CAPZB: variants seen among roughly 807,000 people sequenced by gnomAD.
CAPZB encodes capping actin protein of muscle Z-line subunit beta.
Under a neutral mutation model 38.1 loss-of-function variants are expected in CAPZB, and 2 were observed. That is an observed-to-expected ratio of 0.05 (90% CI 0.02 to 0.17). The LOEUF (loss-of-function observed/expected upper bound fraction) is 0.17. Ranked by LOEUF, CAPZB falls within the 10% of genes least tolerant of loss-of-function variation. CAPZB has a pLI of 1.00. For missense variants in CAPZB, 161 were observed against 334.2 expected (o/e 0.48, Z 4.04); for synonymous variants, 107 against 127.4 (o/e 0.84, Z 1.08).
intron 6 of CAPZB, among the ~76,000 whole-genome samples, chr1:19,352,944 C>T (rs1435396238): frequency 6.6e-6 from 1 of 152,252 alleles, no homozygotes; most frequent in African/African-American, 2.4e-5. Context: ...GCCGCCTACA[C>T]TGGGGCACGA....
At chr1:19,475,804 G>A (rs1453524549) in intron 1 of CAPZB, among the ~76,000 whole-genome samples, 1 of 152,178 alleles carries the variant, frequency 6.6e-6, no homozygotes, top group Admixed American at 6.5e-5. Flanking sequence ...TCAACCTAAT[G>A]GAGGGAGGGA....
chr1:19,450,144 CAAA>C (rs71008167), intron 1 of CAPZB, among the ~76,000 whole-genome samples: 2 of 35,450 alleles, frequency 5.6e-5, no homozygotes, highest in Non-Finnish European at 1.3e-4. Context: ...ACCCTGTCTC[CAAA>C]AAAAAAAAAA....
At chr1:19,446,350 C>T (rs530325633) in intron 1 of CAPZB, among the ~76,000 whole-genome samples, 1 of 152,072 alleles carries the variant, frequency 6.6e-6, no homozygotes, top group African/African-American at 2.4e-5. Flanking sequence ...GAAAAGCCAT[C>T]GGCAAAAGTT....
At chr1:19,432,179 A>G (rs1231853875) in intron 1 of CAPZB, among the ~76,000 whole-genome samples, 1 of 152,154 alleles carries the variant, frequency 6.6e-6, no homozygotes, top group Non-Finnish European at 1.5e-5. Flanking sequence ...ACACTGGCTC[A>G]CATTTGTAAT....
At chr1:19,400,150 G>A (rs1254242553) in intron 2 of CAPZB, among the ~76,000 whole-genome samples, 1 of 151,916 alleles carries the variant, frequency 6.6e-6, no homozygotes, top group African/African-American at 2.4e-5. Context: ...CCCACCCCTT[G>A]CCTGCCTCCG....
chr1:19,361,243 G>C (rs971242861), intron 4 of CAPZB, among the ~76,000 whole-genome samples: 1 of 152,230 alleles, frequency 6.6e-6, no homozygotes, highest in Non-Finnish European at 1.5e-5. Context: ...CTCTCACTTC[G>C]AATCTGTTCC....
intron 2 of CAPZB, among the ~76,000 whole-genome samples, chr1:19,418,003 G>A (rs933488630): frequency 1.8e-4 from 27 of 151,766 alleles, no homozygotes; most frequent in African/African-American, 5.8e-4. Context: ...GGGCACGGTC[G>A]TGGGCGCCTG....
chr1:19,461,395 C>T (rs1331706605), intron 1 of CAPZB, among the ~76,000 whole-genome samples: 23 of 152,256 alleles, frequency 1.5e-4, no homozygotes, highest in Non-Finnish European at 7.3e-5. Flanking sequence ...GACCCACCTG[C>T]CACTCCTTGG....
At chr1:19,484,471 G>A in intron 1 of CAPZB, 2 of 1,448,814 alleles carry the variant, frequency 1.4e-6, no homozygotes, top group Admixed American at 2.3e-5. Flanking sequence ...CACGGCGGCA[G>A]CCTCGAGAAG....
At chr1:19,419,327 T>C (rs2094392506) in intron 2 of CAPZB, among the ~76,000 whole-genome samples, 1 of 152,192 alleles carries the variant, frequency 6.6e-6, no homozygotes, top group Non-Finnish European at 1.5e-5. Flanking sequence ...CTGCGTGCAC[T>C]GCTGAATGCC....
chr1:19,444,178 T>C (rs2094488603), intron 1 of CAPZB, among the ~76,000 whole-genome samples: 1 of 151,820 alleles, frequency 6.6e-6, no homozygotes, highest in African/African-American at 2.4e-5. Context: ...AAAAATTCTA[T>C]TCAGATTTTC....
At chr1:19,393,731 A>C (rs2094250689) in intron 2 of CAPZB, among the ~76,000 whole-genome samples, 1 of 152,226 alleles carries the variant, frequency 6.6e-6, no homozygotes, top group Non-Finnish European at 1.5e-5. Context: ...CGGCAGACCC[A>C]AGGTGCCTGG....
chr1:19,478,184 T>A (rs1400876640), intron 1 of CAPZB, among the ~76,000 whole-genome samples: 2 of 152,190 alleles, frequency 1.3e-5, no homozygotes, highest in Admixed American at 1.3e-4. Flanking sequence ...TTAAACAGAA[T>A]GAGCCCCTTA....
intron 1 of CAPZB, among the ~76,000 whole-genome samples, chr1:19,481,810 C>T (rs1356558376): frequency 1.3e-5 from 2 of 152,172 alleles, no homozygotes; most frequent in African/African-American, 4.8e-5. Context: ...TGCCATAGCT[C>T]ATGCAGATGT....
intron 1 of CAPZB, chr1:19,448,923 GT>G (rs1272855768): frequency 6.2e-7 from 1 of 1,612,764 alleles, no homozygotes; most frequent in African/African-American, 1.3e-5. Flanking sequence ...ATTGGAGGAG[GT>G]GATGGGTTAA....
At chr1:19,377,488 G>A (rs1287143082) in intron 4 of CAPZB, among the ~76,000 whole-genome samples, 3 of 152,254 alleles carry the variant, frequency 2.0e-5, no homozygotes, top group African/African-American at 2.4e-5. Context: ...TAAAATATTC[G>A]TATATAATAG....
chr1:19,481,800 T>C (rs1250419057), intron 1 of CAPZB, among the ~76,000 whole-genome samples: 1 of 152,222 alleles, frequency 6.6e-6, no homozygotes, highest in Non-Finnish European at 1.5e-5. Flanking sequence ...TTCAGTTTCC[T>C]GCCATAGCTC....
chr1:19,375,091 T>C (rs2094138214), intron 4 of CAPZB, among the ~76,000 whole-genome samples: 1 of 152,122 alleles, frequency 6.6e-6, no homozygotes, highest in Non-Finnish European at 1.5e-5. Context: ...TGTGGTCACT[T>C]ATGTGGCCAC....
In CAPZB at chr1:19,338,963, A is replaced by C. The variant is rs3215560; in HGVS notation, c.*567T>G. The C allele has an allele frequency of 0.15, 19,233 of 125,796 alleles. 1,370 individuals carry two copies. The highest frequency in any genetic ancestry group is 0.24 in the East Asian group (936 of 3,896). 7.8% of individuals were successfully genotyped at this position (125,796 alleles called of 1,614,324 possible). On this transcript the variant is annotated 3_prime_UTR_variant, in exon 9 of 9. Coordinates refer to ENST00000264202, the MANE Select transcript of CAPZB (RefSeq NM_004930.5). Reference sequence around the variant, plus strand: ...CCGGAAGAGCGGAACGGTCGGCGGCACCCCCCCCAGCCCCCACCCCGCGGC... The same window carrying C: ...CCGGAAGAGCGGAACGGTCGGCGGCCCCCCCCCCAGCCCCCACCCCGCGGC...
Sources: gnomAD v4.1 joint callset for allele counts (sites outside exome capture counted in the v4.1 genomes callset) on GRCh38, gnomAD v4.1.1 for gene constraint, MANE v1.5 for transcripts, NCBI Gene and HGNC (gene_info 2026-07-23, HGNC 2026-07-21) for gene names.